The following TUBGCP4 variants were observed in gnomAD, a reference collection of about 807,000 sequenced individuals.
TUBGCP4 encodes the protein gamma-tubulin complex component 4.
TUBGCP4 carries 54 observed loss-of-function variants against 91.6 expected under a neutral mutation model. The ratio of observed to expected loss-of-function variants is 0.59; its 90% CI spans 0.47 to 0.74. The LOEUF is 0.74. Among genes scored for constraint, TUBGCP4 ranks in the 30% least tolerant of loss-of-function variants. The pLI is 0.00. For synonymous variants in TUBGCP4, 297 were observed against 302.8 expected, an observed-to-expected ratio of 0.98 and a Z score of 0.20; for missense variants, 593 against 800.9, an observed-to-expected ratio of 0.74 and a Z score of 3.13.
rs1441769466 is a variant in TUBGCP4 at position 43,405,213 on chromosome 15, G to C, written c.2000G>C (p.Ter667SerextTer9). The change falls in exon 18 of 18, where the codon TGA becomes TCA. Residue 667 changes from the stop codon to serine (S), a stop_lost. Transcript: ENST00000564079. ...AGGTLGSFGM[*>S] ...TTTCTCTTTTGTAGTTTCGGGATGT[G>C]AAAATTTCTGGCTCATAAATTGAAA... 39 of 1,614,084 alleles carry C rather than the reference G, an allele frequency of 2.4e-5. No homozygotes were observed. The highest frequency in any genetic ancestry group is 3.3e-5 in the Non-Finnish European group (39 of 1,179,978).
chr15:43,396,415 A>T (rs2044579665), intron 11 of TUBGCP4, among the ~76,000 whole-genome samples: 1 of 152,166 alleles, frequency 6.6e-6, no homozygotes, highest in Non-Finnish European at 1.5e-5. Flanking sequence ...TCCCATTCAT[A>T]CTGCATGAGT....
chr15:43,396,229 C>T (rs1279576791), intron 11 of TUBGCP4, among the ~76,000 whole-genome samples: 17 of 152,182 alleles, frequency 1.1e-4, no homozygotes, highest in African/African-American at 7.2e-5. Context: ...GTGTCCTCTA[C>T]GGAAGGAACT....
In TUBGCP4 at chr15:43,408,702, T is replaced by G; in HGVS notation, c.*3488T>G. 1.7e-6 allele frequency: 1 copy of G among 588,858 alleles called. No homozygotes were observed. The highest frequency in any genetic ancestry group is 3.0e-6 in the Non-Finnish European group (1 of 332,916). 36.5% of individuals were successfully genotyped at this position (588,858 alleles called of 1,614,324 possible). On this transcript the variant is annotated 3_prime_UTR_variant, in exon 18 of 18. Transcript: ENST00000564079. ...AACCTATATACAAATCTTCACACAT[T>G]TGCAAAAGGTTCCTAGCCAATGTAA...
intron 1 of TUBGCP4, 119 bp downstream of exon 1, chr15:43,371,551 CCTGGACAGGTGA>C: frequency 1.0e-6 from 1 of 997,116 alleles, no homozygotes; most frequent in Admixed American, 2.0e-5. Flanking sequence ...GGGGCGTATC[CCTGGACAGGTGA>C]CTGGAGGGCA....
chr15:43,409,467 T>G lies in TUBGCP4; in HGVS notation c.*4253T>G. 1 of 535,150 alleles carries G rather than the reference T, an allele frequency of 1.9e-6. No individual in the cohort carries two copies. The highest frequency in any genetic ancestry group is 2.9e-5 in the East Asian group (1 of 34,492). The allele number at this position is 535,150 out of a possible 1,614,324, so 33.2% of individuals were successfully genotyped here. ...CATTAACTAACCCAAGGTCCTACCT[T>G]CTCTTCCCTATACACAACAAAAATT... On this transcript the variant is annotated 3_prime_UTR_variant, in exon 18 of 18. Coordinates refer to ENST00000564079, the MANE Select transcript of TUBGCP4 (RefSeq NM_014444.5).
chr15:43,406,487 A>ATTTG lies in TUBGCP4; in HGVS notation c.*1277_*1280dup. ...GTTTTACTGAAACACAGCCATGCCCATTTGTTTACTCATTGTCTATGGTTG... is the reference window on the plus strand; with the variant it reads ...GTTTTACTGAAACACAGCCATGCCCATTTGTTTGTTTACTCATTGTCTATGGTTG... On this transcript the variant is annotated 3_prime_UTR_variant, in exon 18 of 18. Transcript: ENST00000564079. The ATTTG allele has an allele frequency of 2.4e-6, 1 of 410,068 alleles. No homozygotes were observed. The highest frequency in any genetic ancestry group is 1.8e-5 in the South Asian group (1 of 55,166). 25.4% of individuals were successfully genotyped at this position (410,068 alleles called of 1,614,324 possible).
chr15:43,403,032 C>T (rs544378893), intron 15 of TUBGCP4: 5 of 152,266 alleles, frequency 3.3e-5, no homozygotes, highest in African/African-American at 9.6e-5. Flanking sequence ...TAGATGTATC[C>T]ATAGGGAAAA....
At position 43,405,490 on chromosome 15, in the gene TUBGCP4, T is replaced by C. The variant is rs935582503; in HGVS notation, c.*276T>C. The C allele has an allele frequency of 5.7e-6, 3 of 523,562 alleles. No homozygotes were observed. In the Admixed American group the frequency reaches 1.0e-4, roughly 18 times the overall value. 32.4% of individuals were successfully genotyped at this position (523,562 alleles called of 1,614,324 possible). The stretch of plus-strand genomic sequence containing the variant: ...GATATGTTCATTTATTCAATAGTCA[T>C]TTATTGAGCACCTACTACGTACCTT... On this transcript the variant is annotated 3_prime_UTR_variant, in exon 18 of 18. Coordinates refer to ENST00000564079, the MANE Select transcript of TUBGCP4 (RefSeq NM_014444.5).
At position 43,408,987 on chromosome 15, in the gene TUBGCP4, T is replaced by G; in HGVS notation, c.*3773T>G. The G allele has an allele frequency of 6.2e-7, 1 of 1,614,188 alleles. No homozygotes were observed. The highest frequency in any genetic ancestry group is 8.5e-7 in the Non-Finnish European group (1 of 1,180,028). Reference sequence around the variant, plus strand: ...GAGCTGGTTGGCATGGCAACTATCATGGACCCAGACATGAGACACACAAGG... The same window carrying G: ...GAGCTGGTTGGCATGGCAACTATCAGGGACCCAGACATGAGACACACAAGG... On this transcript the variant is annotated 3_prime_UTR_variant, in exon 18 of 18. Transcript: ENST00000564079.
At position 43,390,675 on chromosome 15, in the gene TUBGCP4, AT is replaced by A. The variant is rs199774708; in HGVS notation, c.1014+4350del. Among the ~76,000 whole-genome samples, 1,501 of 151,848 alleles carry A rather than the reference AT, an allele frequency of 9.9e-3. 27 individuals are homozygous for A. The highest frequency in any genetic ancestry group is 0.034 in the African/African-American group (1,428 of 41,426). On this transcript the variant is annotated intron_variant, in intron 9 of 17. Transcript: ENST00000564079. Reference sequence around the variant, plus strand: ...AGGCGTGCACCACAACGCCCAGCTAATTTTTGTATTTTTAGTACAGATGGGG... The same window carrying A: ...AGGCGTGCACCACAACGCCCAGCTAATTTTGTATTTTTAGTACAGATGGGG...
intron 9 of TUBGCP4, among the ~76,000 whole-genome samples, chr15:43,392,948 C>G (rs2044502782): frequency 6.6e-6 from 1 of 152,102 alleles, no homozygotes; most frequent in South Asian, 2.1e-4. Context: ...CCTGACAGTC[C>G]CCAAGCAGCC....
chr15:43,398,402 A>C (rs2044616797), intron 13 of TUBGCP4: 1 of 388,886 alleles, frequency 2.6e-6, no homozygotes, highest in Admixed American at 4.0e-5. Flanking sequence ...AAAAAAAATT[A>C]ATGGGAGCAA....
rs1188624954 is a variant in TUBGCP4, at chr15:43,406,096, A to T, written c.*882A>T. 1 of 152,100 alleles carries T rather than the reference A, an allele frequency of 6.6e-6. No homozygotes were observed. Among genetic ancestry groups the T allele is most frequent in the Non-Finnish European group, 1.5e-5 (1 of 68,054 alleles). The allele number at this position is 152,100 out of a possible 1,614,324, so 9.4% of individuals were successfully genotyped here. A position where few individuals can be genotyped will look rare whatever the true frequency, so the allele number is the denominator to read the frequency against. On this transcript the variant is annotated 3_prime_UTR_variant, in exon 18 of 18. Transcript: ENST00000564079. ...ATTCTCCAAGAAAAAGGTCCTTAAG[A>T]AAAAATTGAGATCAAGTTGTTAGAT...
intron 13 of TUBGCP4, among the ~76,000 whole-genome samples, chr15:43,398,731 GA>G (rs2044621912): frequency 6.6e-6 from 1 of 152,112 alleles, no homozygotes; most frequent in Middle Eastern, 3.2e-3. Context: ...ATTTACTTGG[GA>G]AAGTCCTCCA....
Position 43,407,688 on chromosome 15 carries a change from G to T in TUBGCP4, c.*2474G>T. ...TCTGCACAAACCAAAGCCCTATTAT[G>T]TCAAACACACTGCTACTGATCATGA... On this transcript the variant is annotated 3_prime_UTR_variant, in exon 18 of 18. Transcript: ENST00000564079. The T allele has an allele frequency of 1.0e-6, 1 of 993,024 alleles. No individual in the cohort carries two copies. The highest frequency in any genetic ancestry group is 1.5e-6 in the Non-Finnish European group (1 of 680,614). 61.5% of individuals were successfully genotyped at this position (993,024 alleles called of 1,614,324 possible). A position where few individuals can be genotyped will look rare whatever the true frequency, so the allele number is the denominator to read the frequency against.
chr15:43,386,161 T>A, intron 8 of TUBGCP4, 45 bp from the exon 9 acceptor site: 1 of 1,578,362 alleles, frequency 6.3e-7, no homozygotes, highest in Non-Finnish European at 8.6e-7. Context: ...CTAACTGTCC[T>A]GGGTATTCTC....
In TUBGCP4 at chr15:43,377,049, C is replaced by A. The variant is rs770551526; in HGVS notation, c.366C>A (p.Val122=). The A allele has an allele frequency of 3.1e-6, 5 of 1,613,762 alleles. No individual in the cohort carries two copies. The highest frequency in any genetic ancestry group is 2.7e-5 in the African/African-American group (2 of 74,918). ...LGDPHLSISH[V]NYFLDQFQLL... Reference sequence around the variant, plus strand: ...ATCCCCATCTCTCCATATCACATGTCAACTACTTCCTAGACCAGGTATGCT... The same window carrying A: ...ATCCCCATCTCTCCATATCACATGTAAACTACTTCCTAGACCAGGTATGCT... Residue 122 remains valine (V), a synonymous_variant, in exon 4 of 18, where the codon GTC becomes GTA. Transcript: ENST00000564079.
At chr15:43,389,799 A>C (rs893791005) in intron 9 of TUBGCP4, among the ~76,000 whole-genome samples, 3 of 152,204 alleles carry the variant, frequency 2.0e-5, no homozygotes, top group African/African-American at 7.2e-5. Context: ...GAGGCCTCAC[A>C]GTCATGGCTG....
In TUBGCP4 at chr15:43,408,345, G is replaced by C. The variant is rs972758721; in HGVS notation, c.*3131G>C. 5 of 370,182 alleles carry C rather than the reference G, an allele frequency of 1.4e-5. No homozygotes were observed. Among genetic ancestry groups the C allele is most frequent in the African/African-American group, 2.1e-5 (1 of 47,722 alleles). 22.9% of individuals were successfully genotyped at this position (370,182 alleles called of 1,614,324 possible). A position where few individuals can be genotyped will look rare whatever the true frequency, so the allele number is the denominator to read the frequency against. Reference sequence around the variant, plus strand: ...ACAACAAAAAAATTAGCTGGGTGTGGTGGCGAGTGCCTGTAGTCCCAGCAG... The same window carrying C: ...ACAACAAAAAAATTAGCTGGGTGTGCTGGCGAGTGCCTGTAGTCCCAGCAG... On this transcript the variant is annotated 3_prime_UTR_variant, in exon 18 of 18. Coordinates refer to ENST00000564079, the MANE Select transcript of TUBGCP4 (RefSeq NM_014444.5).
Sources: gnomAD v4.1 joint callset for allele counts (sites outside exome capture counted in the v4.1 genomes callset) on GRCh38, gnomAD v4.1.1 for gene constraint, MANE v1.5 for transcripts, NCBI Gene and HGNC (gene_info 2026-07-23, HGNC 2026-07-21) for gene names.